TERF1: variants seen among roughly 807,000 people sequenced by gnomAD.
The protein encoded by TERF1 is telomeric repeat binding factor 1.
Under a neutral mutation model 55.1 loss-of-function variants are expected in TERF1, and 20 were observed. The observed-to-expected ratio is 0.36, with a 90% CI of 0.26 to 0.53. The LOEUF (loss-of-function observed/expected upper bound fraction) is 0.53, where lower values mean the gene tolerates loss of function less well. Among genes scored for constraint, TERF1 ranks in the 20% least tolerant of loss-of-function variants. TERF1 has a pLI of 0.91. For missense variants in TERF1, 439 were observed against 535.7 expected, an observed-to-expected ratio of 0.82 and a Z score of 1.78; for synonymous variants, 168 against 181.2, an observed-to-expected ratio of 0.93 and a Z score of 0.59.
intron 3 of TERF1, among the ~76,000 whole-genome samples, chr8:73,021,829 A>T (rs1046954634): frequency 4.6e-5 from 7 of 152,210 alleles, no homozygotes; most frequent in Non-Finnish European, 8.8e-5. Flanking sequence ...AGCAAATTTT[A>T]TGTATCCTAA....
intron 7 of TERF1, chr8:73,031,474 T>G (rs1161921559): frequency 6.6e-6 from 1 of 152,232 alleles, no homozygotes; most frequent in Non-Finnish European, 1.5e-5. Context: ...TGCCTAAGCT[T>G]AGGTGAACTG....
At chr8:73,031,162 A>G (rs1298038792) in intron 7 of TERF1, 2 of 152,210 alleles carry the variant, frequency 1.3e-5, no homozygotes, top group African/African-American at 4.8e-5. Context: ...TCATTAGGAA[A>G]TGAAAACTGC....
chr8:73,008,975 A>G lies in TERF1; in HGVS notation c.89A>G (p.Glu30Gly). The G allele has an allele frequency of 6.2e-7, 1 of 1,612,818 alleles. No homozygotes were observed. The highest frequency in any genetic ancestry group is 8.5e-7 in the Non-Finnish European group (1 of 1,179,716). The change falls in exon 1 of 10, where the codon GAA becomes GGA. Residue 30 changes from glutamate (E) to glycine (G), a missense_variant. This residue lies in a region of TERF1 where 179 missense variants were observed against 152.6 expected (regional missense o/e 1.17). Coordinates refer to ENST00000276603, the MANE Select transcript of TERF1 (RefSeq NM_017489.3). Reference sequence around the variant, plus strand: ...GACCCTACTGAGGAGCAGATGGCAGAAACAGAGAGAAACGACGAGGAGCAG... The same window carrying G: ...GACCCTACTGAGGAGCAGATGGCAGGAACAGAGAGAAACGACGAGGAGCAG... ...DADPTEEQMA[E>G]TERNDEEQFE...
chr8:73,025,910 T>C (rs1329464464), intron 5 of TERF1, among the ~76,000 whole-genome samples: 1 of 143,966 alleles, frequency 6.9e-6, no homozygotes, highest in Admixed American at 6.9e-5. Context: ...AAAAGACATT[T>C]CTGGTCAGGC....
At chr8:73,041,372 T>C (rs1190974024) in intron 9 of TERF1, among the ~76,000 whole-genome samples, 1 of 152,160 alleles carries the variant, frequency 6.6e-6, no homozygotes, top group African/African-American at 2.4e-5. Context: ...GAGGGACCTC[T>C]TTCAACTATA....
At chr8:73,013,797 T>G (rs1450331670) in intron 1 of TERF1, 98 bp from the exon 2 acceptor site, 10 of 665,960 alleles carry the variant, frequency 1.5e-5, no homozygotes, top group Non-Finnish European at 2.6e-5. Flanking sequence ...TTATGATAAT[T>G]TTTACAATAT....
chr8:73,013,955 A>T lies in TERF1; in HGVS notation c.380A>T (p.Gln127Leu), dbSNP rs765477917. The change falls in exon 2 of 10, where the codon CAG (glutamine) becomes CTG (leucine). Residue 127 changes from glutamine (Q) to leucine (L), a missense_variant. Gln to Leu is a moderately radical substitution (Grantham distance 113, BLOSUM62 -2). This residue lies in a region of TERF1 where 95 missense variants were observed against 167.2 expected (regional missense o/e 0.57). Coordinates refer to ENST00000276603, the MANE Select transcript of TERF1 (RefSeq NM_017489.3). ...ACQLRTIYIC[Q>L]FLTRIAAGKT... ...CAGTTGAGAACGATATACATATGTC[A>T]GTTTTTGACAAGAATTGCAGCAGGA... 6.2e-7 allele frequency: 1 copy of T among 1,611,088 alleles called. No homozygotes were observed. The highest frequency in any genetic ancestry group is 8.5e-7 in the Non-Finnish European group (1 of 1,179,188).
chr8:73,013,797 T>C, intron 1 of TERF1, 98 bp from the exon 2 acceptor site: 6 of 666,078 alleles, frequency 9.0e-6, no homozygotes, highest in Non-Finnish European at 1.6e-5. Flanking sequence ...TTATGATAAT[T>C]TTTACAATAT....
intron 9 of TERF1, among the ~76,000 whole-genome samples, chr8:73,043,509 T>C (rs918600659): frequency 6.6e-6 from 1 of 152,192 alleles, no homozygotes; most frequent in Non-Finnish European, 1.5e-5. Flanking sequence ...GTATTTTATG[T>C]ATATTTCACA....
chr8:73,037,686 ATATT>A (rs1809611958), intron 8 of TERF1, among the ~76,000 whole-genome samples: 1 of 51,482 alleles, frequency 1.9e-5, no homozygotes, highest in African/African-American at 8.3e-5. Context: ...TATATAATAT[ATATT>A]ATATAGTATA....
chr8:73,032,023 C>G lies in TERF1; in HGVS notation c.948-19C>G. Reference sequence around the variant, plus strand: ...CTATCTTTCTGGAGCCAATTACAAACTTTCCTGTTTTATTTTAGGTCTCAC... The same window carrying G: ...CTATCTTTCTGGAGCCAATTACAAAGTTTCCTGTTTTATTTTAGGTCTCAC... On this transcript the variant is annotated intron_variant, in intron 7 of 9. Coordinates refer to ENST00000276603, the MANE Select transcript of TERF1 (RefSeq NM_017489.3). 1 of 1,584,650 alleles carries G rather than the reference C, an allele frequency of 6.3e-7. No homozygotes were observed. Among genetic ancestry groups the G allele is most frequent in the South Asian group, 1.1e-5 (1 of 89,116 alleles).
chr8:73,009,571 C>G, intron 1 of TERF1: 1 of 208,036 alleles, frequency 4.8e-6, no homozygotes, highest in Non-Finnish European at 9.7e-6. Flanking sequence ...CCTCCAGTAA[C>G]CCCCGAGGCA....
At chr8:73,015,479 A>G (rs114627794) in intron 2 of TERF1, among the ~76,000 whole-genome samples, 1 of 152,146 alleles carries the variant, frequency 6.6e-6, no homozygotes, top group African/African-American at 2.4e-5. Context: ...AGACAGGAGG[A>G]TCGCTTGAGC....
At chr8:73,018,401 C>G (rs903670682) in intron 2 of TERF1, among the ~76,000 whole-genome samples, 1 of 152,198 alleles carries the variant, frequency 6.6e-6, no homozygotes, top group Non-Finnish European at 1.5e-5. Context: ...TTCGGTCGGG[C>G]TTGGTGGCTC....
intron 3 of TERF1, among the ~76,000 whole-genome samples, chr8:73,021,839 A>G (rs1808770711): frequency 6.6e-6 from 1 of 152,194 alleles, no homozygotes; most frequent in African/African-American, 2.4e-5. Flanking sequence ...ATGTATCCTA[A>G]TCATCACAAA....
Position 73,009,043 on chromosome 8 carries a change from G to A in TERF1, c.157G>A (p.Ala53Thr). Residue 53 changes from alanine to threonine, a missense_variant, in exon 1 of 10, where the codon GCC (alanine) becomes ACC (threonine). Around this residue, in one of 4 missense-constraint regions of TERF1, gnomAD observed 179 missense variants for 152.6 expected, o/e 1.17. Coordinates refer to ENST00000276603, the MANE Select transcript of TERF1 (RefSeq NM_017489.3). ...ELLECQVQVGAPEEEEEEEED... is the reference protein window; with the variant it reads ...ELLECQVQVGTPEEEEEEEED... Reference sequence around the variant, plus strand: ...GCTCGAGTGCCAGGTGCAGGTGGGGGCCCCCGAGGAGGAGGAGGAGGAGGA... The same window carrying A: ...GCTCGAGTGCCAGGTGCAGGTGGGGACCCCCGAGGAGGAGGAGGAGGAGGA... 6.2e-7 allele frequency: 1 copy of A among 1,610,414 alleles called. No homozygotes were observed. The highest frequency in any genetic ancestry group is 8.5e-7 in the Non-Finnish European group (1 of 1,178,684).
chr8:73,019,512 T>G (rs895534691), intron 2 of TERF1, among the ~76,000 whole-genome samples: 2 of 152,198 alleles, frequency 1.3e-5, no homozygotes, highest in African/African-American at 4.8e-5. Flanking sequence ...TCTAAGAGTA[T>G]GCATCCAACT....
chr8:73,037,651 T>A (rs1264219601), intron 8 of TERF1, among the ~76,000 whole-genome samples: 2 of 72,604 alleles, frequency 2.8e-5, no homozygotes, highest in Non-Finnish European at 5.0e-5. Context: ...ATAATATATA[T>A]TATATGTATA....
In TERF1 at chr8:73,037,611, TATATATA is replaced by T. The variant is rs552133737; in HGVS notation, c.1040-1504_1040-1498del. Reference sequence around the variant, plus strand: ...TATATATAACATATCATAAATTTATTATATATATTATATATTATATATAACATATATA... The same window carrying T: ...TATATATAACATATCATAAATTTATTTTATATATTATATATAACATATATA... On this transcript the variant is annotated intron_variant, in intron 8 of 9. Coordinates refer to ENST00000276603, the MANE Select transcript of TERF1 (RefSeq NM_017489.3). 3.9e-3 allele frequency among the ~76,000 whole-genome samples: 393 copies of T among 99,838 alleles called. 17 individuals carry two copies. In the Admixed American group the frequency reaches 0.045, roughly 11 times the overall value. The allele number at this position is 99,838 out of a possible 152,430, so 65.5% of individuals were successfully genotyped here. A position where few individuals can be genotyped will look rare whatever the true frequency, so the allele number is the denominator to read the frequency against.
Sources: gnomAD v4.1 joint callset for allele counts (sites outside exome capture counted in the v4.1 genomes callset) on GRCh38, gnomAD v4.1.1 for gene constraint, gnomAD v4.1.1 regional missense constraint, MANE v1.5 for transcripts, NCBI Gene and HGNC (gene_info 2026-07-23, HGNC 2026-07-21) for gene names.